The following WDR27 variants were observed in gnomAD, a reference collection of about 807,000 sequenced individuals.
The protein encoded by WDR27 is WD repeat-containing protein 27.
A neutral mutation model predicts 114.4 loss-of-function variants in WDR27; 100 were observed. The observed-to-expected ratio is 0.87, with a 90% CI of 0.74 to 1.03. WDR27 has a LOEUF of 1.03. WDR27 is among the 50% of genes least tolerant of loss of function. The pLI, the probability that WDR27 is intolerant of heterozygous loss-of-function variation, is 0.00. For synonymous variants in WDR27, 449 were observed against 423.1 expected (o/e 1.06, Z -0.75); for missense variants, 1,129 against 1,092.9 (o/e 1.03, Z -0.47).
chr6:169,584,556 C>G (rs1271725380), intron 23 of WDR27, among the ~76,000 whole-genome samples: 1 of 152,200 alleles, frequency 6.6e-6, no homozygotes, highest in Non-Finnish European at 1.5e-5. Flanking sequence ...GTTTCACACC[C>G]TCACAACATT....
At chr6:169,683,314 A>G (rs534959539) in intron 2 of WDR27, among the ~76,000 whole-genome samples, 1 of 152,230 alleles carries the variant, frequency 6.6e-6, no homozygotes, top group Non-Finnish European at 1.5e-5. Context: ...GTGAGATAAA[A>G]TAAGTAAATA....
chr6:169,533,217 A>G (rs1002549402), intron 25 of WDR27, among the ~76,000 whole-genome samples: 9 of 149,172 alleles, frequency 6.0e-5, no homozygotes, highest in Non-Finnish European at 1.0e-4. Flanking sequence ...CACAGGACAC[A>G]GGCATGGCCA....
chr6:169,694,929 C>T (rs1015603349), intron 1 of WDR27, among the ~76,000 whole-genome samples: 9 of 152,206 alleles, frequency 5.9e-5, no homozygotes, highest in African/African-American at 1.4e-4. Flanking sequence ...GAATTAATCA[C>T]GTAATCAGAA....
chr6:169,429,810 C>A, the WDR27 span, among the ~76,000 whole-genome samples: 2 of 152,096 alleles, frequency 1.3e-5, no homozygotes, highest in Non-Finnish European at 2.9e-5. Context: ...CAGGTAACAC[C>A]GATGCTGCTG....
At position 169,542,336 on chromosome 6, in the gene WDR27, T is replaced by C. The variant is rs977971104; in HGVS notation, c.2645+30083A>G. On this transcript the variant is annotated intron_variant, in intron 25 of 25. Coordinates refer to ENST00000448612, the MANE Select transcript of WDR27 (RefSeq NM_182552.5). ...ACAAAGTAATTGCAACAAACCAACA[T>C]CATTTAACTACTGATAAAAGTACAA... Among the ~76,000 whole-genome samples the C allele has an allele frequency of 3.3e-5, 5 of 152,264 alleles. No homozygotes were observed. The East Asian group carries it at 9.6e-4, about 29-fold the overall frequency.
intron 25 of WDR27, among the ~76,000 whole-genome samples, chr6:169,503,914 G>A (rs1791668157): frequency 6.6e-6 from 1 of 151,970 alleles, no homozygotes. Flanking sequence ...TTCCATCCCT[G>A]AAAAGGAAGT....
chr6:169,485,618 A>C (rs951236833), intron 25 of WDR27, among the ~76,000 whole-genome samples: 1 of 152,200 alleles, frequency 6.6e-6, no homozygotes, highest in Non-Finnish European at 1.5e-5. Flanking sequence ...CAAAGATCTA[A>C]AGACAGAACT....
At chr6:169,685,809 G>A (rs1027529083) in intron 2 of WDR27, among the ~76,000 whole-genome samples, 8 of 152,166 alleles carry the variant, frequency 5.3e-5, no homozygotes, top group South Asian at 4.1e-4. Context: ...AGCAGAGAAC[G>A]TCTCAAGTCT....
chr6:169,481,592 G>A (rs1382500708), intron 25 of WDR27, among the ~76,000 whole-genome samples: 1 of 152,132 alleles, frequency 6.6e-6, no homozygotes, highest in Non-Finnish European at 1.5e-5. Context: ...AGGCCAGTGA[G>A]ACCATGAACC....
intron 16 of WDR27, among the ~76,000 whole-genome samples, chr6:169,644,340 A>G (rs548249206): frequency 1.3e-5 from 2 of 151,674 alleles, no homozygotes; most frequent in African/African-American, 4.8e-5. Flanking sequence ...CACGAGTCAC[A>G]CTGTAGAAAA....
chr6:169,528,050 C>T (rs1357824263), intron 25 of WDR27, among the ~76,000 whole-genome samples: 1 of 151,984 alleles, frequency 6.6e-6, no homozygotes, highest in Non-Finnish European at 1.5e-5. Flanking sequence ...GGGTAACAGC[C>T]TTACACAATA....
At chr6:169,649,385 C>A in intron 14 of WDR27, 110 bp from the exon 15 acceptor site, 1 of 937,370 alleles carries the variant, frequency 1.1e-6, no homozygotes, top group South Asian at 1.5e-5. Flanking sequence ...TAGACGTCTG[C>A]ATAAATGCTT....
At chr6:169,645,188 G>A (rs1351883360) in intron 16 of WDR27, among the ~76,000 whole-genome samples, 1 of 148,922 alleles carries the variant, frequency 6.7e-6, no homozygotes, top group African/African-American at 2.5e-5. Flanking sequence ...CTGTAGAAAA[G>A]CCTAGTTCAC....
chr6:169,618,472 A>G (rs1312030813), intron 21 of WDR27, among the ~76,000 whole-genome samples: 1 of 152,136 alleles, frequency 6.6e-6, no homozygotes, highest in African/African-American at 2.4e-5. Context: ...CACATAAAAT[A>G]GGAAAATATG....
At chr6:169,607,483 G>A (rs1297733984) in intron 22 of WDR27, among the ~76,000 whole-genome samples, 2 of 151,932 alleles carry the variant, frequency 1.3e-5, no homozygotes, top group African/African-American at 2.4e-5. Flanking sequence ...GCAGCACATG[G>A]ATGGAAGTAG....
intron 25 of WDR27, among the ~76,000 whole-genome samples, chr6:169,468,655 C>T (rs1785927082): frequency 6.6e-6 from 1 of 152,154 alleles, no homozygotes; most frequent in African/African-American, 2.4e-5. Context: ...ATCAGCTGTC[C>T]ACCAAATATT....
rs564849740 is a variant in WDR27, at chr6:169,637,758, C to T, written c.1869+781G>A. Among the ~76,000 whole-genome samples the T allele has an allele frequency of 3.4e-5, 5 of 149,140 alleles. No individual in the cohort carries two copies. The East Asian group carries it at 6.0e-4, about 18-fold the overall frequency. On this transcript the variant is annotated intron_variant, in intron 18 of 25. Coordinates refer to ENST00000448612, the MANE Select transcript of WDR27 (RefSeq NM_182552.5). ...TGAATACGTGGTAAGTATAAGTGTGCGTATGTGTATGCATCTATATGCGTG... is the reference window on the plus strand; with the variant it reads ...TGAATACGTGGTAAGTATAAGTGTGTGTATGTGTATGCATCTATATGCGTG...
the WDR27 span, among the ~76,000 whole-genome samples, chr6:169,428,935 G>A: frequency 6.6e-6 from 1 of 152,172 alleles, no homozygotes; most frequent in Non-Finnish European, 1.5e-5. Flanking sequence ...GGCAGCCACG[G>A]TTGTCCTCAC....
At chr6:169,527,186 T>C (rs1264605475) in intron 25 of WDR27, among the ~76,000 whole-genome samples, 1 of 151,478 alleles carries the variant, frequency 6.6e-6, no homozygotes, top group Non-Finnish European at 1.5e-5. Flanking sequence ...CAAAAAATTG[T>C]AAATAAATCT....
Sources: allele counts gnomAD v4.1 joint callset (sites outside exome capture counted in the v4.1 genomes callset), GRCh38; gene constraint gnomAD v4.1.1; transcripts MANE v1.5; gene names NCBI Gene and HGNC (gene_info 2026-07-23, HGNC 2026-07-21).